The following PTCHD4 variants were observed in gnomAD, a reference collection of about 807,000 sequenced individuals.
PTCHD4 encodes patched domain-containing protein 4.
In PTCHD4, 33 loss-of-function variants were observed where a neutral mutation model predicts 58.1. That is an observed-to-expected ratio of 0.57 (90% CI 0.43 to 0.76). The LOEUF (loss-of-function observed/expected upper bound fraction) is 0.76. PTCHD4 is among the 30% of genes least tolerant of loss of function. The pLI is 0.00. For synonymous variants in PTCHD4, 478 were observed against 409.6 expected, an observed-to-expected ratio of 1.17 and a Z score of -2.02; for missense variants, 1,058 against 1,027.1, an observed-to-expected ratio of 1.03 and a Z score of -0.41.
In PTCHD4 at chr6:47,856,759, G is replaced by A. The variant is rs560245118; in HGVS notation, c.*21544C>T. 1.3e-5 allele frequency among the ~76,000 whole-genome samples: 2 copies of A among 151,944 alleles called. No homozygotes were observed. The highest frequency in any genetic ancestry group is 2.9e-5 in the Non-Finnish European group (2 of 67,974). On this transcript the variant is annotated 3_prime_UTR_variant, in exon 5 of 5. Coordinates refer to ENST00000339488, the MANE Select transcript of PTCHD4 (RefSeq NM_001384253.1). ...CTAATAAATCTTGGTAAGTTATAGA[G>A]AGAATAATTTTATGAACATTTTATA...
In PTCHD4 at chr6:47,865,998, G is replaced by T. The variant is rs915840963; in HGVS notation, c.*12305C>A. ...TTATGGCTTTGCTCAGTCTGGTCCC[G>T]TCACATGGGGTGCTCAGGCCAATAA... On this transcript the variant is annotated 3_prime_UTR_variant, in exon 5 of 5. Transcript: ENST00000339488. 2.0e-5 allele frequency among the ~76,000 whole-genome samples: 3 copies of T among 151,240 alleles called. No individual in the cohort carries two copies. The highest frequency in any genetic ancestry group is 4.4e-5 in the Non-Finnish European group (3 of 67,576).
At chr6:48,093,108 T>G (rs1233452947) in intron 1 of PTCHD4, among the ~76,000 whole-genome samples, 2 of 152,192 alleles carry the variant, frequency 1.3e-5, no homozygotes, top group Non-Finnish European at 2.9e-5. Flanking sequence ...TTGGCACTAG[T>G]ATAAAACCTT....
intron 3 of PTCHD4, among the ~76,000 whole-genome samples, chr6:48,014,720 T>G (rs948701291): frequency 1.3e-5 from 2 of 152,254 alleles, no homozygotes; most frequent in East Asian, 3.9e-4. Context: ...ATAGAGTCAT[T>G]AATGGATTAT....
rs11969909 is a variant in PTCHD4 at position 47,871,437 on chromosome 6, G to A, written c.*6866C>T. On this transcript the variant is annotated 3_prime_UTR_variant, in exon 5 of 5. Coordinates refer to ENST00000339488, the MANE Select transcript of PTCHD4 (RefSeq NM_001384253.1). ...TCACAGATTATTTGTGCATCTTACT[G>A]GGTAGACTGCTGCCTCTAATCAAAG... Among the ~76,000 whole-genome samples, 100,885 of 151,376 alleles carry A rather than the reference G, an allele frequency of 0.67. 34,101 individuals are homozygous for A. The highest frequency in any genetic ancestry group is 0.78 in the East Asian group (4,004 of 5,118).
At chr6:47,905,505 A>G (rs906624818) in intron 4 of PTCHD4, among the ~76,000 whole-genome samples, 8 of 152,264 alleles carry the variant, frequency 5.3e-5, no homozygotes, top group Non-Finnish European at 1.0e-4. Flanking sequence ...TGTGCTTTCA[A>G]TAAACTATAG....
At chr6:48,024,604 T>C (rs1763178972) in intron 3 of PTCHD4, among the ~76,000 whole-genome samples, 1 of 152,190 alleles carries the variant, frequency 6.6e-6, no homozygotes. Flanking sequence ...TCCTTCACTG[T>C]AGGCATTCTA....
Position 47,982,232 on chromosome 6 carries a change from A to T in PTCHD4, c.898+26402T>A, listed in dbSNP as rs191387469. On this transcript the variant is annotated intron_variant, in intron 4 of 4. Coordinates refer to ENST00000339488, the MANE Select transcript of PTCHD4 (RefSeq NM_001384253.1). ...TTGTAAAGGAGGGGAGCTATTAAAA[A>T]TATCCATAGCAGCATGTTTAATTAG... 2.9e-3 allele frequency among the ~76,000 whole-genome samples: 442 copies of T among 152,298 alleles called. 3 individuals are homozygous for T. The highest frequency in any genetic ancestry group is 0.01 in the African/African-American group (419 of 41,554).
intron 3 of PTCHD4, among the ~76,000 whole-genome samples, chr6:48,036,707 G>T (rs893884050): frequency 6.6e-6 from 1 of 152,104 alleles, no homozygotes; most frequent in East Asian, 1.9e-4. Flanking sequence ...CCCACAAAGT[G>T]CTTTCTTAAA....
At chr6:47,880,794 T>C (rs1348599188) in intron 4 of PTCHD4, among the ~76,000 whole-genome samples, 3 of 152,190 alleles carry the variant, frequency 2.0e-5, no homozygotes, top group Non-Finnish European at 4.4e-5. Flanking sequence ...CAGACTCTGG[T>C]AGCTACTGAG....
chr6:48,042,973 A>G (rs332586), intron 3 of PTCHD4, among the ~76,000 whole-genome samples: 121,358 of 151,732 alleles, frequency 0.8, 48,549 homozygotes, highest in Middle Eastern at 0.85. Flanking sequence ...AATCTTTGTG[A>G]TCTTGGGTCT....
At chr6:47,933,538 A>G (rs956763176) in intron 4 of PTCHD4, among the ~76,000 whole-genome samples, 2 of 152,246 alleles carry the variant, frequency 1.3e-5, no homozygotes, top group African/African-American at 4.8e-5. Context: ...AAAACATTTT[A>G]AGTGCTGCAA....
intron 4 of PTCHD4, among the ~76,000 whole-genome samples, chr6:47,943,945 C>A (rs756294377): frequency 6.6e-6 from 1 of 152,058 alleles, no homozygotes; most frequent in South Asian, 2.1e-4. Context: ...TTTTTAAACA[C>A]TTTTTTTGAT....
chr6:47,998,274 CTAGA>C (rs1410881336), intron 4 of PTCHD4, among the ~76,000 whole-genome samples: 1 of 152,130 alleles, frequency 6.6e-6, no homozygotes, highest in African/African-American at 2.4e-5. Flanking sequence ...CTACCATGTG[CTAGA>C]TAAATTGATG....
intron 3 of PTCHD4, among the ~76,000 whole-genome samples, chr6:48,058,319 C>T (rs1277581531): frequency 6.6e-6 from 1 of 152,322 alleles, no homozygotes; most frequent in South Asian, 2.1e-4. Context: ...GATGACAATG[C>T]TGCTGGTCCA....
At chr6:48,076,897 T>G (rs1765072597) in intron 1 of PTCHD4, among the ~76,000 whole-genome samples, 1 of 152,228 alleles carries the variant, frequency 6.6e-6, no homozygotes. Context: ...TATGAGTGGT[T>G]GAAGTATGGC....
At chr6:47,959,930 CA>C (rs764922436) in intron 4 of PTCHD4, among the ~76,000 whole-genome samples, 4 of 146,124 alleles carry the variant, frequency 2.7e-5, no homozygotes, top group Admixed American at 1.4e-4. Flanking sequence ...ATGTTATAAG[CA>C]AAAAAAAACC....
At chr6:48,073,038 A>G (rs931294681) in intron 1 of PTCHD4, among the ~76,000 whole-genome samples, 2 of 152,224 alleles carry the variant, frequency 1.3e-5, no homozygotes, top group African/African-American at 4.8e-5. Flanking sequence ...AATGTTAGCA[A>G]TATTCCAGAT....
chr6:47,972,708 C>A (rs1767562710), intron 4 of PTCHD4, among the ~76,000 whole-genome samples: 1 of 151,952 alleles, frequency 6.6e-6, no homozygotes, highest in South Asian at 2.1e-4. Context: ...ATCCATCTAT[C>A]TTTTTGTCTG....
intron 4 of PTCHD4, among the ~76,000 whole-genome samples, chr6:47,935,446 A>T (rs1765966042): frequency 6.6e-6 from 1 of 152,188 alleles, no homozygotes; most frequent in Non-Finnish European, 1.5e-5. Context: ...CACCTGGCTC[A>T]TCTTGCGCTT....
Sources: allele counts gnomAD v4.1 joint callset (sites outside exome capture counted in the v4.1 genomes callset), GRCh38; gene constraint gnomAD v4.1.1; transcripts MANE v1.5; gene names NCBI Gene and HGNC (gene_info 2026-07-23, HGNC 2026-07-21).